The following CTNNA2 variants were observed in gnomAD, a reference collection of about 807,000 sequenced individuals.
CTNNA2 encodes the protein catenin alpha 2, also known as catenin alpha-2.
CTNNA2 carries 42 observed loss-of-function variants against 101.0 expected under a neutral mutation model. That is an observed-to-expected ratio of 0.42 (90% CI 0.32 to 0.54). The LOEUF is 0.54. CTNNA2 is among the 20% of genes least tolerant of loss of function. CTNNA2 has a pLI of 0.14. For synonymous variants in CTNNA2, 450 were observed against 456.4 expected, an observed-to-expected ratio of 0.99 and a Z score of 0.18; for missense variants, 871 against 1,223.1, an observed-to-expected ratio of 0.71 and a Z score of 4.29.
intron 7 of CTNNA2, among the ~76,000 whole-genome samples, chr2:80,335,261 T>A (rs1243612530): frequency 6.6e-6 from 1 of 152,216 alleles, no homozygotes; most frequent in Admixed American, 6.5e-5. Flanking sequence ...GTTGAATGTG[T>A]TACCTACTCC....
intron 9 of CTNNA2, among the ~76,000 whole-genome samples, chr2:80,511,152 A>G (rs1215785090): frequency 1.3e-5 from 2 of 152,148 alleles, no homozygotes; most frequent in Non-Finnish European, 2.9e-5. Flanking sequence ...ATTCATCCCT[A>G]CCTTTTTATG....
chr2:79,672,713 T>TC (rs1318843880), intron 2 of CTNNA2, among the ~76,000 whole-genome samples: 1 of 148,260 alleles, frequency 6.7e-6, no homozygotes, highest in Non-Finnish European at 1.5e-5. Context: ...TTTTTCTTTT[T>TC]TTTTTTTTTT....
intron 7 of CTNNA2, among the ~76,000 whole-genome samples, chr2:80,235,370 G>A (rs897533462): frequency 2.0e-5 from 3 of 152,084 alleles, no homozygotes; most frequent in African/African-American, 4.8e-5. Context: ...CCAAGTATTC[G>A]GGCTGTTTCT....
intron 2 of CTNNA2, among the ~76,000 whole-genome samples, chr2:79,242,631 A>G (rs1572995517): frequency 6.6e-6 from 1 of 152,160 alleles, no homozygotes; most frequent in East Asian, 1.9e-4. Flanking sequence ...AATTTCCTCC[A>G]TTCCACGAAG....
intron 7 of CTNNA2, among the ~76,000 whole-genome samples, chr2:80,039,599 G>A (rs1339808608): frequency 2.0e-5 from 3 of 152,144 alleles, no homozygotes; most frequent in Non-Finnish European, 4.4e-5. Context: ...TGACTCCAGT[G>A]GGGGTGGTTC....
intron 2 of CTNNA2, among the ~76,000 whole-genome samples, chr2:79,270,216 A>G (rs1675048613): frequency 1.3e-5 from 2 of 152,088 alleles, no homozygotes; most frequent in African/African-American, 4.8e-5. Context: ...TGTGAACTAT[A>G]TCTCAAGGAA....
chr2:79,512,726 C>T (rs993472919), upstream of CTNNA2, among the ~76,000 whole-genome samples: 2 of 151,810 alleles, frequency 1.3e-5, no homozygotes, highest in African/African-American at 4.8e-5. Flanking sequence ...GTCCCCTCCC[C>T]CCACCTGCGG....
rs543356695 is a variant in CTNNA2 at position 79,419,759 on chromosome 2, G to A, written c.-135+45746G>A. Among the ~76,000 whole-genome samples, 13 of 152,076 alleles carry A rather than the reference G, an allele frequency of 8.5e-5. No homozygotes were observed. In the East Asian group the frequency reaches 9.7e-4, roughly 11 times the overall value. On this transcript the variant is annotated intron_variant, in intron 4 of 21. Transcript: ENST00000466387. ...TGTGAGGACTTTAATAATAAATAGC[G>A]CAGTCAAAAACAGGTATATTCTCTT...
rs563923343 is a variant in CTNNA2, at chr2:80,587,290, C to T, written c.2008-2014C>T. 2.0e-5 allele frequency among the ~76,000 whole-genome samples: 3 copies of T among 152,158 alleles called. No homozygotes were observed. The South Asian group carries it at 6.2e-4, about 32-fold the overall frequency. Reference sequence around the variant, plus strand: ...TGTGGATATACATAAGGAATCATAACAATCTTCTATTTGTAGATAGTTGCA... The same window carrying T: ...TGTGGATATACATAAGGAATCATAATAATCTTCTATTTGTAGATAGTTGCA... On this transcript the variant is annotated intron_variant, in intron 14 of 18. Transcript: ENST00000402739.
intron 7 of CTNNA2, among the ~76,000 whole-genome samples, chr2:79,934,451 T>G (rs1687649245): frequency 6.6e-6 from 1 of 152,254 alleles, no homozygotes; most frequent in Non-Finnish European, 1.5e-5. Flanking sequence ...ATTTCACAGA[T>G]AAATAAATTG....
intron 4 of CTNNA2, among the ~76,000 whole-genome samples, chr2:79,397,992 G>A (rs372115779): frequency 4.6e-5 from 7 of 152,248 alleles, no homozygotes; most frequent in African/African-American, 7.2e-5. Flanking sequence ...ATAGATGGAC[G>A]AGTGGATATG....
intron 3 of CTNNA2, among the ~76,000 whole-genome samples, chr2:79,365,225 C>T (rs1341350199): frequency 6.6e-6 from 1 of 151,550 alleles, no homozygotes; most frequent in Non-Finnish European, 1.5e-5. Context: ...TGCAGTGAGT[C>T]GAGATCATGT....
At chr2:80,205,623 C>G (rs1707485950) in intron 7 of CTNNA2, among the ~76,000 whole-genome samples, 2 of 152,184 alleles carry the variant, frequency 1.3e-5, no homozygotes, top group African/African-American at 4.8e-5. Context: ...AACACTGTGT[C>G]ATCCTGAGGT....
intron 6 of CTNNA2, among the ~76,000 whole-genome samples, chr2:79,905,504 G>C (rs1252106938): frequency 6.6e-6 from 1 of 152,184 alleles, no homozygotes; most frequent in Non-Finnish European, 1.5e-5. Context: ...TGCGAAGGGA[G>C]AGACAGGAAG....
intron 9 of CTNNA2, among the ~76,000 whole-genome samples, chr2:80,443,260 T>G (rs1285184852): frequency 1.3e-5 from 2 of 152,192 alleles, no homozygotes; most frequent in Non-Finnish European, 2.9e-5. Context: ...CCCACTTAGG[T>G]AGGCCAGCTT....
chr2:80,210,567 T>C (rs1573399374), intron 7 of CTNNA2, among the ~76,000 whole-genome samples: 1 of 152,204 alleles, frequency 6.6e-6, no homozygotes, highest in Admixed American at 6.5e-5. Flanking sequence ...GGCTGCGTAG[T>C]TTTCCATGGT....
At chr2:80,639,958 C>T (rs1673286459) in intron 18 of CTNNA2, among the ~76,000 whole-genome samples, 1 of 151,900 alleles carries the variant, frequency 6.6e-6, no homozygotes, top group Admixed American at 6.6e-5. Flanking sequence ...ACAAATTAGC[C>T]AGGCGTGGTG....
intron 2 of CTNNA2, among the ~76,000 whole-genome samples, chr2:79,273,805 C>CT (rs201345581): frequency 1.7e-3 from 254 of 145,326 alleles, no homozygotes; most frequent in Middle Eastern, 3.5e-3. Flanking sequence ...GCAAGCTGCA[C>CT]TTTTTTTTTT....
intron 2 of CTNNA2, among the ~76,000 whole-genome samples, chr2:79,657,769 A>G (rs1213477324): frequency 1.3e-5 from 2 of 151,856 alleles, no homozygotes; most frequent in Non-Finnish European, 3.0e-5. Flanking sequence ...TTTAAAGAAT[A>G]TAATGGTGGC....
Sources: allele counts gnomAD v4.1 joint callset (sites outside exome capture counted in the v4.1 genomes callset), GRCh38; gene constraint gnomAD v4.1.1; transcripts MANE v1.5; gene names NCBI Gene and HGNC (gene_info 2026-07-23, HGNC 2026-07-21).